CADM2: variants seen among roughly 807,000 people sequenced by gnomAD.
The protein encoded by CADM2 is cell adhesion molecule 2.
CADM2 carries 12 observed loss-of-function variants against 49.8 expected under a neutral mutation model. The observed-to-expected ratio is 0.24, with a 90% confidence interval of 0.15 to 0.39. CADM2 has a LOEUF of 0.39. Among genes scored for constraint, CADM2 ranks in the 10% least tolerant of loss-of-function variants. The probability of loss-of-function intolerance (pLI) is 1.00; values close to 1 mark genes in which losing one functional copy is unlikely to be tolerated. For synonymous variants in CADM2, 214 were observed against 175.4 expected, an observed-to-expected ratio of 1.22 and a Z score of -1.74; for missense variants, 378 against 492.3, an observed-to-expected ratio of 0.77 and a Z score of 2.20.
intron 1 of CADM2, among the ~76,000 whole-genome samples, chr3:85,128,154 A>G (rs1163046095): frequency 6.6e-6 from 1 of 152,188 alleles, no homozygotes; most frequent in Admixed American, 6.6e-5. Context: ...TTAAAAATCC[A>G]TCCAAGTTCT....
At chr3:85,419,272 G>A (rs974147440) in intron 1 of CADM2, among the ~76,000 whole-genome samples, 3 of 148,270 alleles carry the variant, frequency 2.0e-5, no homozygotes, top group Non-Finnish European at 4.5e-5. Context: ...TGGCTAACAC[G>A]TTGAAACCCC....
At chr3:85,302,569 C>T (rs558964769) in intron 1 of CADM2, among the ~76,000 whole-genome samples, 20 of 151,968 alleles carry the variant, frequency 1.3e-4, no homozygotes, top group Middle Eastern at 6.3e-3. Flanking sequence ...TTTCTCATTA[C>T]GATCATGTAT....
intron 1 of CADM2, among the ~76,000 whole-genome samples, chr3:85,029,555 A>G (rs187014621): frequency 6.6e-6 from 1 of 152,328 alleles, no homozygotes; most frequent in African/African-American, 2.4e-5. Context: ...AGGTATATAT[A>G]TTGGAGGTGG....
chr3:85,028,550 T>C (rs1359449500), intron 1 of CADM2, among the ~76,000 whole-genome samples: 1 of 152,206 alleles, frequency 6.6e-6, no homozygotes, highest in Non-Finnish European at 1.5e-5. Context: ...AAATTTATCT[T>C]ATTTCAAAAT....
intron 1 of CADM2, among the ~76,000 whole-genome samples, chr3:85,082,842 A>G (rs1429094953): frequency 6.6e-6 from 1 of 152,140 alleles, no homozygotes; most frequent in Non-Finnish European, 1.5e-5. Context: ...TGTTGGCAGC[A>G]AACACAAAGC....
At position 85,331,788 on chromosome 3, in the gene CADM2, G is replaced by A. The variant is rs947912059; in HGVS notation, c.61+372120G>A. Among the ~76,000 whole-genome samples the A allele has an allele frequency of 4.6e-5, 7 of 151,792 alleles. No homozygotes were observed. The East Asian group carries it at 5.8e-4, about 13-fold the overall frequency. ...CCACATCCTCACCAGCATTCATTAC[G>A]GCCTGTCTTTTGGATAAGAGCCATT... On this transcript the variant is annotated intron_variant, in intron 1 of 9. Transcript: ENST00000383699.
chr3:86,043,061 G>A (rs879270405), intron 8 of CADM2, among the ~76,000 whole-genome samples: 4 of 152,092 alleles, frequency 2.6e-5, no homozygotes, highest in Non-Finnish European at 5.9e-5. Context: ...AATAAATTAG[G>A]TATTGATGGG....
intron 8 of CADM2, among the ~76,000 whole-genome samples, chr3:85,986,581 A>G (rs1728143285): frequency 6.6e-6 from 1 of 152,086 alleles, no homozygotes; most frequent in Non-Finnish European, 1.5e-5. Context: ...TTCAATATCC[A>G]GATGGTCCAT....
intron 1 of CADM2, among the ~76,000 whole-genome samples, chr3:85,311,760 A>T (rs193273944): frequency 1.2e-4 from 19 of 152,276 alleles, no homozygotes; most frequent in Admixed American, 1.0e-3. Flanking sequence ...TGAGTTTTGG[A>T]TCCTCACAAA....
intron 1 of CADM2, among the ~76,000 whole-genome samples, chr3:85,321,442 C>A (rs2044610666): frequency 6.6e-6 from 1 of 151,734 alleles, no homozygotes; most frequent in Non-Finnish European, 1.5e-5. Flanking sequence ...GCCTCATCCT[C>A]CCAAAGTGCT....
At chr3:85,900,387 C>A (rs9840565) in intron 5 of CADM2, among the ~76,000 whole-genome samples, 25,850 of 151,904 alleles carry the variant, frequency 0.17, 2,232 homozygotes, top group East Asian at 0.2. Context: ...TTTTGACAGG[C>A]TATTTTAAAT....
chr3:85,571,618 C>T (rs2062480459), intron 1 of CADM2, among the ~76,000 whole-genome samples: 1 of 152,130 alleles, frequency 6.6e-6, no homozygotes, highest in Admixed American at 6.5e-5. Flanking sequence ...TCCCATATAG[C>T]ACATTGAATT....
intron 1 of CADM2, among the ~76,000 whole-genome samples, chr3:85,106,161 C>T (rs982721488): frequency 6.6e-6 from 1 of 151,828 alleles, no homozygotes; most frequent in Admixed American, 6.6e-5. Flanking sequence ...TACATATGAG[C>T]TACTGAAATG....
intron 1 of CADM2, among the ~76,000 whole-genome samples, chr3:85,061,560 A>G (rs1001759507): frequency 1.3e-5 from 2 of 152,282 alleles, no homozygotes; most frequent in African/African-American, 4.8e-5. Context: ...AGTCTATTAA[A>G]TAATGCATCC....
intron 1 of CADM2, among the ~76,000 whole-genome samples, chr3:85,336,811 T>G (rs916123579): frequency 2.0e-5 from 3 of 148,718 alleles, no homozygotes; most frequent in Non-Finnish European, 3.0e-5. Context: ...AGATTTAATT[T>G]TTCTTAAAGC....
chr3:85,439,480 T>C (rs1576555919), intron 1 of CADM2, among the ~76,000 whole-genome samples: 1 of 152,154 alleles, frequency 6.6e-6, no homozygotes, highest in East Asian at 1.9e-4. Flanking sequence ...CTGAAACTGG[T>C]TTAATGTAAA....
intron 1 of CADM2, among the ~76,000 whole-genome samples, chr3:85,627,333 G>T (rs55843200): frequency 0.13 from 19,100 of 151,862 alleles, 1,359 homozygotes; most frequent in African/African-American, 0.19. Flanking sequence ...CTTGGAATGG[G>T]TCCTGATTGT....
intron 1 of CADM2, among the ~76,000 whole-genome samples, chr3:85,010,689 A>C (rs1475043731): frequency 6.6e-6 from 1 of 151,306 alleles, no homozygotes; most frequent in Non-Finnish European, 1.5e-5. Flanking sequence ...CTCCCCTCCT[A>C]TGGCAGGTAT....
At chr3:85,568,447 C>CTTTCTT (rs1223962741) in intron 1 of CADM2, among the ~76,000 whole-genome samples, 432 of 35,768 alleles carry the variant, frequency 0.012, 18 homozygotes, top group African/African-American at 0.033. Flanking sequence ...TTCTTTCTTT[C>CTTTCTT]TTTCTTTCTT....
Sources: allele counts gnomAD v4.1 joint callset (sites outside exome capture counted in the v4.1 genomes callset), GRCh38; gene constraint gnomAD v4.1.1; transcripts MANE v1.5; gene names NCBI Gene and HGNC (gene_info 2026-07-23, HGNC 2026-07-21).